Variants in RIT2 observed in about 807,000 individuals in gnomAD.
The protein encoded by RIT2 is GTP-binding protein Rit2.
In RIT2, 24 loss-of-function variants were observed where a neutral mutation model predicts 23.7. The observed-to-expected ratio is 1.01, with a 90% confidence interval of 0.73 to 1.43. The LOEUF is 1.43. RIT2 is among the 40% of genes most tolerant of loss of function. The probability of loss-of-function intolerance (pLI) is 0.00; values close to 1 mark genes in which losing one functional copy is unlikely to be tolerated. For missense variants in RIT2, 236 were observed against 266.9 expected (o/e 0.88, Z 0.81); for synonymous variants, 107 against 91.1 (o/e 1.17, Z -0.99).
At chr18:42,929,693 A>G (rs140650358) in intron 3 of RIT2, among the ~76,000 whole-genome samples, 2 of 152,310 alleles carry the variant, frequency 1.3e-5, no homozygotes, top group East Asian at 3.9e-4. Context: ...ATTTCAAGAC[A>G]GCAAGAATAA....
At chr18:42,993,371 G>A (rs372751849) in intron 2 of RIT2, among the ~76,000 whole-genome samples, 3 of 152,158 alleles carry the variant, frequency 2.0e-5, no homozygotes, top group Admixed American at 6.5e-5. Flanking sequence ...CGATTGCCTC[G>A]GAAGCCCCCT....
chr18:42,828,003 C>CAAAA (rs200737336), intron 4 of RIT2, among the ~76,000 whole-genome samples: 29 of 51,730 alleles, frequency 5.6e-4, no homozygotes, highest in Non-Finnish European at 7.9e-4. Flanking sequence ...GACTCCGTCT[C>CAAAA]AAAAAAAAAA....
intron 2 of RIT2, among the ~76,000 whole-genome samples, chr18:43,018,804 G>A (rs1004546630): frequency 6.6e-6 from 1 of 151,938 alleles, no homozygotes; most frequent in African/African-American, 2.4e-5. Context: ...GAAATGCTAA[G>A]GGAGTTTACA....
chr18:43,087,948 G>A (rs1367169316), intron 1 of RIT2, among the ~76,000 whole-genome samples: 1 of 152,098 alleles, frequency 6.6e-6, no homozygotes, highest in African/African-American at 2.4e-5. Context: ...ATTATTGTTA[G>A]TCTGTTGTTT....
intron 2 of RIT2, among the ~76,000 whole-genome samples, chr18:42,985,111 A>G (rs886466605): frequency 2.6e-5 from 4 of 152,128 alleles, no homozygotes; most frequent in African/African-American, 7.2e-5. Context: ...AGAAAAATCA[A>G]CTTATTTGTG....
intron 4 of RIT2, among the ~76,000 whole-genome samples, chr18:42,808,466 G>A (rs906071817): frequency 2.6e-5 from 4 of 152,004 alleles, no homozygotes; most frequent in East Asian, 3.9e-4. Flanking sequence ...CTTTAAAGAC[G>A]AAACCTGATT....
At chr18:43,100,982 T>C (rs893822198) in intron 1 of RIT2, among the ~76,000 whole-genome samples, 3 of 151,884 alleles carry the variant, frequency 2.0e-5, no homozygotes, top group African/African-American at 7.2e-5. Context: ...GACATATATG[T>C]GTGTGTGTTT....
chr18:42,885,286 T>C (rs879209447), intron 4 of RIT2, among the ~76,000 whole-genome samples: 1 of 152,182 alleles, frequency 6.6e-6, no homozygotes, highest in Admixed American at 6.5e-5. Flanking sequence ...ATTCTCTAGT[T>C]AAAGAATTGT....
intron 3 of RIT2, among the ~76,000 whole-genome samples, chr18:42,931,534 T>C (rs551943615): frequency 2.0e-4 from 30 of 152,210 alleles, no homozygotes; most frequent in South Asian, 6.2e-4. Flanking sequence ...CCAAAATTTC[T>C]TTCCCATAGA....
At chr18:43,102,217 A>G (rs984631134) in intron 1 of RIT2, among the ~76,000 whole-genome samples, 1 of 152,194 alleles carries the variant, frequency 6.6e-6, no homozygotes, top group Non-Finnish European at 1.5e-5. Flanking sequence ...CCCAGGAAAC[A>G]TATGTGGAAA....
intron 4 of RIT2, among the ~76,000 whole-genome samples, chr18:42,900,544 G>A (rs906660085): frequency 4.0e-5 from 6 of 151,812 alleles, no homozygotes; most frequent in African/African-American, 1.2e-4. Flanking sequence ...TTAGTCAAAG[G>A]GTTTCTTTTG....
chr18:42,844,214 G>A (rs1906846022), intron 4 of RIT2, among the ~76,000 whole-genome samples: 2 of 152,142 alleles, frequency 1.3e-5, no homozygotes, highest in Non-Finnish European at 2.9e-5. Context: ...CTTGGGGCAT[G>A]TTATAATGCT....
At chr18:43,026,573 T>TAAGAAAGAAAGAAAGAAAGA (rs199513808) in intron 2 of RIT2, among the ~76,000 whole-genome samples, 32 of 77,344 alleles carry the variant, frequency 4.1e-4, no homozygotes, top group African/African-American at 1.0e-3. Flanking sequence ...AAGAAATAAA[T>TAAGAAAGAAAGAAAGAAAGA]AAGAAAGAAA....
chr18:42,868,694 C>T (rs182371285), intron 4 of RIT2, among the ~76,000 whole-genome samples: 42 of 152,264 alleles, frequency 2.8e-4, no homozygotes, highest in African/African-American at 8.2e-4. Context: ...TTGTTAGCAT[C>T]GATCCAAAGA....
chr18:42,962,457 TGAATTGATTCAAGATGAGA>T (rs1292808794), intron 3 of RIT2, among the ~76,000 whole-genome samples: 4 of 152,220 alleles, frequency 2.6e-5, no homozygotes, highest in Non-Finnish European at 5.9e-5. Context: ...GTTTGAAACT[TGAATTGATTCAAGATGAGA>T]GAATAGCATT....
At chr18:42,969,434 CA>C (rs1160246843) in intron 3 of RIT2, among the ~76,000 whole-genome samples, 2 of 152,072 alleles carry the variant, frequency 1.3e-5, no homozygotes, top group Non-Finnish European at 2.9e-5. Context: ...ATTCAGAAAT[CA>C]CAGGGCTTTA....
At chr18:42,973,886 A>T (rs1257821252) in intron 3 of RIT2, among the ~76,000 whole-genome samples, 188 bp downstream of exon 3, 1 of 151,972 alleles carries the variant, frequency 6.6e-6, no homozygotes, top group East Asian at 1.9e-4. Flanking sequence ...TATTTTTAGA[A>T]AATTGAGGGA....
intron 4 of RIT2, among the ~76,000 whole-genome samples, chr18:42,914,394 A>C (rs1279588531): frequency 5.3e-5 from 8 of 152,134 alleles, no homozygotes; most frequent in Admixed American, 5.3e-4. Flanking sequence ...AATTACCCAA[A>C]TGTCCCTGAA....
chr18:43,080,574 T>C (rs1179204721), intron 1 of RIT2, among the ~76,000 whole-genome samples: 1 of 152,246 alleles, frequency 6.6e-6, no homozygotes, highest in Non-Finnish European at 1.5e-5. Context: ...GCTTATGTGC[T>C]ACTTTGTTTT....
Sources: allele counts gnomAD v4.1 joint callset (sites outside exome capture counted in the v4.1 genomes callset), GRCh38; gene constraint gnomAD v4.1.1; transcripts MANE v1.5; gene names NCBI Gene and HGNC (gene_info 2026-07-23, HGNC 2026-07-21).